The following ZEB1 variants were observed in gnomAD, a reference collection of about 807,000 sequenced individuals.
ZEB1 encodes zinc finger E-box binding homeobox 1.
ZEB1 carries 21 observed loss-of-function variants against 84.9 expected under a neutral mutation model. The ratio of observed to expected loss-of-function variants is 0.25; its 90% CI spans 0.18 to 0.36. The LOEUF (loss-of-function observed/expected upper bound fraction) is 0.36. ZEB1 is among the 10% of genes least tolerant of loss of function. ZEB1 has a pLI of 1.00. For synonymous variants in ZEB1, 420 were observed against 471.1 expected (o/e 0.89, Z 1.41); for missense variants, 1,104 against 1,330.2 (o/e 0.83, Z 2.65).
At chr10:31,413,585 CAG>C (rs2054670022) in intron 1 of ZEB1, among the ~76,000 whole-genome samples, 1 of 151,590 alleles carries the variant, frequency 6.6e-6, no homozygotes. Context: ...ATGAGACAAA[CAG>C]ATATGAAAGA....
intron 1 of ZEB1, among the ~76,000 whole-genome samples, chr10:31,421,646 C>G (rs2056178726): frequency 6.6e-6 from 1 of 152,052 alleles, no homozygotes; most frequent in African/African-American, 2.4e-5. Context: ...TGCCTCCCTG[C>G]TAAAGCCTTT....
intron 2 of ZEB1, among the ~76,000 whole-genome samples, chr10:31,491,051 T>C (rs1364124234): frequency 6.6e-6 from 1 of 151,724 alleles, no homozygotes; most frequent in Non-Finnish European, 1.5e-5. Context: ...GTGATCAGAT[T>C]CACACATGAG....
intron 1 of ZEB1, among the ~76,000 whole-genome samples, chr10:31,352,009 C>G (rs891331281): frequency 2.0e-5 from 3 of 151,852 alleles, no homozygotes; most frequent in African/African-American, 7.3e-5. Flanking sequence ...TTTATATAGC[C>G]CATAATCATA....
intron 1 of ZEB1, among the ~76,000 whole-genome samples, chr10:31,460,406 A>G (rs2061678163): frequency 6.6e-6 from 1 of 152,150 alleles, no homozygotes; most frequent in African/African-American, 2.4e-5. Flanking sequence ...GTGTTGGATT[A>G]ATAATGTAAT....
chr10:31,384,941 C>G (rs1276899580), intron 1 of ZEB1, among the ~76,000 whole-genome samples: 1 of 152,074 alleles, frequency 6.6e-6, no homozygotes, highest in African/African-American at 2.4e-5. Context: ...GCACTTAGTA[C>G]TTTGTAACTG....
intron 5 of ZEB1, among the ~76,000 whole-genome samples, chr10:31,514,097 A>G (rs984150588): frequency 6.6e-6 from 1 of 152,176 alleles, no homozygotes; most frequent in African/African-American, 2.4e-5. Flanking sequence ...AGATTAAAGT[A>G]CATTTTGGAA....
intron 1 of ZEB1, among the ~76,000 whole-genome samples, chr10:31,450,109 G>A (rs149054486): frequency 6.6e-6 from 1 of 152,310 alleles, no homozygotes; most frequent in Non-Finnish European, 1.5e-5. Context: ...AAGATACCAT[G>A]TGTAGCATTT....
At chr10:31,396,517 G>A (rs902020169) in intron 1 of ZEB1, among the ~76,000 whole-genome samples, 1 of 152,168 alleles carries the variant, frequency 6.6e-6, no homozygotes, top group South Asian at 2.1e-4. Context: ...GCAGGCAAGG[G>A]TAACATCTCA....
At chr10:31,489,254 T>C (rs2066161525) in intron 2 of ZEB1, among the ~76,000 whole-genome samples, 1 of 151,356 alleles carries the variant, frequency 6.6e-6, no homozygotes. Context: ...ATCACTGAAG[T>C]CTACTTTGTC....
intron 1 of ZEB1, among the ~76,000 whole-genome samples, chr10:31,343,632 TAATC>T (rs1281010253): frequency 2.6e-5 from 4 of 152,130 alleles, no homozygotes; most frequent in Admixed American, 2.6e-4. Flanking sequence ...AATTCAGAGT[TAATC>T]AAATATGTTA....
At chr10:31,377,822 C>A (rs2046930511) in intron 1 of ZEB1, among the ~76,000 whole-genome samples, 1 of 151,442 alleles carries the variant, frequency 6.6e-6, no homozygotes, top group Non-Finnish European at 1.5e-5. Context: ...AATTTGTTTA[C>A]CTTTGAATTA....
chr10:31,518,598 A>C (rs1402718289), intron 6 of ZEB1, among the ~76,000 whole-genome samples: 4 of 152,246 alleles, frequency 2.6e-5, no homozygotes, highest in Admixed American at 2.6e-4. Flanking sequence ...CAGTCCAATG[A>C]GAATGTATCT....
At chr10:31,323,462 A>T (rs567095315) in intron 1 of ZEB1, among the ~76,000 whole-genome samples, 67 of 152,014 alleles carry the variant, frequency 4.4e-4, no homozygotes, top group Non-Finnish European at 8.7e-4. Context: ...AGTCACTTAG[A>T]TGTTAGTGAT....
chr10:31,497,032 G>A (rs1036125922), intron 3 of ZEB1, among the ~76,000 whole-genome samples: 5 of 151,930 alleles, frequency 3.3e-5, no homozygotes, highest in African/African-American at 1.2e-4. Flanking sequence ...CCCTAACTTC[G>A]TTCTGTGTAA....
In ZEB1 at chr10:31,496,773, T is replaced by C. The variant is rs372803023; in HGVS notation, c.322+935T>C. On this transcript the variant is annotated intron_variant, in intron 3 of 8. Coordinates refer to ENST00000424869, the MANE Select transcript of ZEB1 (RefSeq NM_001174096.2). ...TGTTTTTTTACTTTGCTGTGCATTT[T>C]AGGAATATTCCATAAAGGCTTACAA... Among the ~76,000 whole-genome samples, 283 of 152,238 alleles carry C rather than the reference T, an allele frequency of 1.9e-3. 6 individuals carry two copies. Among genetic ancestry groups the C allele is most frequent in the African/African-American group, 6.6e-3 (273 of 41,566 alleles).
At chr10:31,524,246 A>C in intron 8 of ZEB1, 133 bp downstream of exon 8, 2 of 986,364 alleles carry the variant, frequency 2.0e-6, no homozygotes, top group South Asian at 3.3e-5. Flanking sequence ...GTCTGGCTCT[A>C]GTCACCCAGG....
intron 4 of ZEB1, among the ~76,000 whole-genome samples, chr10:31,502,717 G>A (rs2068336476): frequency 6.6e-6 from 1 of 152,178 alleles, no homozygotes; most frequent in Non-Finnish European, 1.5e-5. Flanking sequence ...TATTGTGGTA[G>A]TAATGCCACT....
chr10:31,486,812 G>A (rs892712428), intron 2 of ZEB1, among the ~76,000 whole-genome samples: 4 of 151,082 alleles, frequency 2.6e-5, no homozygotes, highest in Non-Finnish European at 4.4e-5. Context: ...TCTTTTTATG[G>A]ATCATGATTT....
At position 31,529,421 on chromosome 10, in the gene ZEB1, C is replaced by G. The variant is rs930288062; in HGVS notation, c.*2157C>G. 5 of 152,290 alleles carry G rather than the reference C, an allele frequency of 3.3e-5. No individual in the cohort carries two copies. Among genetic ancestry groups the G allele is most frequent in the South Asian group, 4.2e-4 (2 of 4,816 alleles). The allele number at this position is 152,290 out of a possible 1,614,324, so 9.4% of individuals were successfully genotyped here. On this transcript the variant is annotated 3_prime_UTR_variant, in exon 9 of 9. Transcript: ENST00000424869. ...ACAGGTTGCTCCTTCTTCCTGAAATCCTTAATCCTCCGCATTTCATGCTTC... is the reference window on the plus strand; with the variant it reads ...ACAGGTTGCTCCTTCTTCCTGAAATGCTTAATCCTCCGCATTTCATGCTTC...
Sources: allele counts gnomAD v4.1 joint callset (sites outside exome capture counted in the v4.1 genomes callset), GRCh38; gene constraint gnomAD v4.1.1; transcripts MANE v1.5; gene names NCBI Gene and HGNC (gene_info 2026-07-23, HGNC 2026-07-21).